Variants in PTPRG observed in about 807,000 individuals in gnomAD.
The protein encoded by PTPRG is receptor-type tyrosine-protein phosphatase gamma.
In PTPRG, 102 loss-of-function variants were observed where a neutral mutation model predicts 165.3. That is an observed-to-expected ratio of 0.62 (90% CI 0.53 to 0.73). The LOEUF (loss-of-function observed/expected upper bound fraction) is 0.73. PTPRG is among the 30% of genes least tolerant of loss of function. The probability of loss-of-function intolerance (pLI) is 0.00; values close to 1 mark genes in which losing one functional copy is unlikely to be tolerated. For synonymous variants in PTPRG, 675 were observed against 669.5 expected (o/e 1.01, Z -0.13); for missense variants, 1,866 against 1,861.4 (o/e 1.00, Z -0.05).
At chr3:62,049,162 C>T (rs1190454206) in intron 4 of PTPRG, among the ~76,000 whole-genome samples, 1 of 152,006 alleles carries the variant, frequency 6.6e-6, no homozygotes, top group Non-Finnish European at 1.5e-5. Flanking sequence ...ATCTCATCGT[C>T]CCTCTTTTGT....
chr3:61,776,098 A>AG (rs1475348280), intron 2 of PTPRG, among the ~76,000 whole-genome samples: 1 of 151,304 alleles, frequency 6.6e-6, no homozygotes, highest in Non-Finnish European at 1.5e-5. Context: ...TTAAAAAAAA[A>AG]AAGAATTCAA....
At chr3:61,926,685 A>G (rs2039221941) in intron 2 of PTPRG, among the ~76,000 whole-genome samples, 1 of 147,144 alleles carries the variant, frequency 6.8e-6, no homozygotes, top group Non-Finnish European at 1.5e-5. Flanking sequence ...ACAGATTAAT[A>G]TGGTAGCCCA....
intron 2 of PTPRG, chr3:61,749,884 G>A (rs1329633312): frequency 6.6e-6 from 1 of 152,172 alleles, no homozygotes; most frequent in Non-Finnish European, 1.5e-5. Flanking sequence ...AGAACTGAAA[G>A]TATTCTTTTC....
intron 15 of PTPRG, among the ~76,000 whole-genome samples, chr3:62,244,964 C>T (rs955556929): frequency 4.6e-5 from 7 of 152,244 alleles, no homozygotes; most frequent in African/African-American, 2.4e-5. Flanking sequence ...ATTGTCACTA[C>T]GTGTGGTTAT....
intron 3 of PTPRG, among the ~76,000 whole-genome samples, chr3:61,997,133 T>C (rs570977223): frequency 2.0e-5 from 3 of 152,324 alleles, no homozygotes; most frequent in Admixed American, 1.3e-4. Context: ...AGGATAATCC[T>C]GCAGTTTGTC....
chr3:61,699,282 G>C (rs1575596741), intron 1 of PTPRG, among the ~76,000 whole-genome samples: 1 of 152,278 alleles, frequency 6.6e-6, no homozygotes, highest in South Asian at 2.1e-4. Flanking sequence ...TTGGAAGAGT[G>C]GCATTGCTTT....
At chr3:62,277,526 ATTTT>A (rs751465619) in intron 25 of PTPRG, 21 bp from the exon 26 acceptor site, 3 of 1,603,708 alleles carry the variant, frequency 1.9e-6, no homozygotes, top group South Asian at 2.2e-5. Context: ...ATATTCACTG[ATTTT>A]TTTTGTCTTC....
intron 5 of PTPRG, among the ~76,000 whole-genome samples, chr3:62,091,941 G>A (rs115081462): frequency 3.9e-4 from 59 of 151,946 alleles, no homozygotes; most frequent in African/African-American, 1.4e-3. Flanking sequence ...TGCCTTCTTT[G>A]TTCATTTCCT....
At chr3:61,707,652 T>G (rs776612728) in intron 1 of PTPRG, among the ~76,000 whole-genome samples, 7 of 152,210 alleles carry the variant, frequency 4.6e-5, no homozygotes, top group Non-Finnish European at 7.3e-5. Flanking sequence ...AATTCAAATG[T>G]TAATCTCATC....
chr3:62,287,091 C>A (rs142832450), intron 28 of PTPRG, among the ~76,000 whole-genome samples: 216 of 152,158 alleles, frequency 1.4e-3, no homozygotes, highest in Middle Eastern at 3.4e-3. Context: ...AATAATCTCA[C>A]ATGGAGTGCA....
intron 2 of PTPRG, among the ~76,000 whole-genome samples, chr3:61,861,790 A>C (rs1427602435): frequency 6.6e-6 from 1 of 152,212 alleles, no homozygotes; most frequent in Non-Finnish European, 1.5e-5. Flanking sequence ...ACAGTAGGGC[A>C]CTTAATGCAT....
intron 2 of PTPRG, among the ~76,000 whole-genome samples, chr3:61,920,481 C>G (rs2039051842): frequency 1.3e-5 from 2 of 152,120 alleles, no homozygotes; most frequent in South Asian, 4.1e-4. Flanking sequence ...CTGCAAACTC[C>G]ACCTCCCGGG....
chr3:62,257,934 A>G (rs1321851161), intron 16 of PTPRG, among the ~76,000 whole-genome samples: 1 of 152,180 alleles, frequency 6.6e-6, no homozygotes, highest in Non-Finnish European at 1.5e-5. Flanking sequence ...ACTGCACTCC[A>G]GCCTGAGCGA....
intron 1 of PTPRG, among the ~76,000 whole-genome samples, chr3:61,573,474 A>G (rs1332859288): frequency 6.6e-6 from 1 of 152,260 alleles, no homozygotes; most frequent in African/African-American, 2.4e-5. Context: ...TTTGTACAAT[A>G]GAGTGGCTAG....
chr3:62,261,681 T>C (rs775029185), intron 16 of PTPRG: 6 of 151,988 alleles, frequency 3.9e-5, no homozygotes, highest in South Asian at 2.1e-4. Context: ...TGGAGAGTCA[T>C]TGAATACTGT....
intron 4 of PTPRG, among the ~76,000 whole-genome samples, chr3:62,021,633 C>T (rs1544420): frequency 0.15 from 22,409 of 151,946 alleles, 2,388 homozygotes; most frequent in African/African-American, 0.3. Flanking sequence ...TGTTACAGTG[C>T]GCTTGTCTAC....
At chr3:62,247,630 T>C (rs1389371445) in intron 15 of PTPRG, among the ~76,000 whole-genome samples, 1 of 152,082 alleles carries the variant, frequency 6.6e-6, no homozygotes, top group Non-Finnish European at 1.5e-5. Context: ...AAGACATCCA[T>C]TCCCTGCACA....
intron 2 of PTPRG, among the ~76,000 whole-genome samples, chr3:61,945,612 G>T (rs1158585859): frequency 6.8e-6 from 1 of 146,416 alleles, no homozygotes; most frequent in African/African-American, 2.5e-5. Flanking sequence ...AAATGGAGGT[G>T]AGCTGGAAGA....
At chr3:62,116,455 A>G (rs964929849) in intron 5 of PTPRG, among the ~76,000 whole-genome samples, 1 of 152,202 alleles carries the variant, frequency 6.6e-6, no homozygotes, top group Non-Finnish European at 1.5e-5. Context: ...GGATAAATCT[A>G]TCTTGATATT....
Sources: gnomAD v4.1 joint callset for allele counts (sites outside exome capture counted in the v4.1 genomes callset) on GRCh38, gnomAD v4.1.1 for gene constraint, MANE v1.5 for transcripts, NCBI Gene and HGNC (gene_info 2026-07-23, HGNC 2026-07-21) for gene names.